The following GPD1L variants were observed in gnomAD, a reference collection of about 807,000 sequenced individuals.
GPD1L encodes the protein glycerol-3-phosphate dehydrogenase 1 like.
In GPD1L, 17 loss-of-function variants were observed where a neutral mutation model predicts 32.9. The ratio of observed to expected loss-of-function variants is 0.52; its 90% CI spans 0.35 to 0.78. The LOEUF (loss-of-function observed/expected upper bound fraction) is 0.78, where lower values mean the gene tolerates loss of function less well. GPD1L is among the 30% of genes least tolerant of loss of function. The probability of loss-of-function intolerance (pLI) is 0.01; values close to 1 mark genes in which losing one functional copy is unlikely to be tolerated. For synonymous variants in GPD1L, 187 were observed against 165.9 expected (o/e 1.13, Z -0.98); for missense variants, 361 against 447.8 (o/e 0.81, Z 1.75).
chr3:32,138,905 G>A (rs901549626), intron 3 of GPD1L, among the ~76,000 whole-genome samples, 178 bp downstream of exon 3: 1 of 152,098 alleles, frequency 6.6e-6, no homozygotes, highest in African/African-American at 2.4e-5. Flanking sequence ...CTCAGATTGA[G>A]AGTGGGCTGC....
chr3:32,137,694 G>T (rs1199994493), intron 2 of GPD1L, among the ~76,000 whole-genome samples: 1 of 152,204 alleles, frequency 6.6e-6, no homozygotes, highest in African/African-American at 2.4e-5. Context: ...GAGACCATGT[G>T]CCCTGGAGTC....
intron 7 of GPD1L, among the ~76,000 whole-genome samples, chr3:32,161,016 G>C (rs1407796465): frequency 1.3e-5 from 2 of 152,314 alleles, no homozygotes; most frequent in East Asian, 3.9e-4. Context: ...TGCTGATTGT[G>C]GCTAATTTAG....
At chr3:32,155,869 C>G (rs1390683777) in intron 5 of GPD1L, among the ~76,000 whole-genome samples, 2 of 152,178 alleles carry the variant, frequency 1.3e-5, no homozygotes, top group African/African-American at 4.8e-5. Context: ...CTAGGTCACA[C>G]TGTGACAATG....
intron 1 of GPD1L, among the ~76,000 whole-genome samples, chr3:32,112,219 T>TATA (rs1294852324): frequency 6.6e-6 from 1 of 151,488 alleles, no homozygotes; most frequent in Non-Finnish European, 1.5e-5. Flanking sequence ...GGCTCATGCC[T>TATA]ATAACCTCAA....
At chr3:32,158,064 G>A (rs1701019484) in intron 5 of GPD1L, among the ~76,000 whole-genome samples, 1 of 152,200 alleles carries the variant, frequency 6.6e-6, no homozygotes, top group Non-Finnish European at 1.5e-5. Context: ...GTAGTCACCG[G>A]AGGGCATGTG....
rs869025436 is a variant in GPD1L at position 32,158,949 on chromosome 3, G to A, written c.692G>A (p.Arg231His). ...CGDNTKAAVI[R>H]LGLMEMIAFA... ...GACAACACCAAAGCGGCCGTCATCC[G>A]CCTGGGACTCATGGAAATGATTGCT... Residue 231 changes from arginine (R) to histidine (H), a missense_variant, in exon 6 of 8, where the codon CGC becomes CAC. Transcript: ENST00000282541. 9.9e-6 allele frequency: 16 copies of A among 1,613,998 alleles called. No individual in the cohort carries two copies. Among genetic ancestry groups the A allele is most frequent in the Admixed American group, 1.7e-5 (1 of 60,006 alleles).
chr3:32,164,904 GTGT>G (rs1701124244), intron 7 of GPD1L, among the ~76,000 whole-genome samples: 1 of 152,130 alleles, frequency 6.6e-6, no homozygotes, highest in Non-Finnish European at 1.5e-5. Context: ...AGCTATGTGT[GTGT>G]GTGTATTTAA....
At chr3:32,146,897 G>A (rs1457834460) in intron 5 of GPD1L, among the ~76,000 whole-genome samples, 163 bp downstream of exon 5, 2 of 152,182 alleles carry the variant, frequency 1.3e-5, no homozygotes, top group Admixed American at 1.3e-4. Context: ...AGCCTTTCCC[G>A]GGTGGTTCAG....
At position 32,106,782 on chromosome 3, in the gene GPD1L, C is replaced by T; in HGVS notation, c.47+24C>T. Reference sequence around the variant, plus strand: ...TGGTGAGCGGCGGCGGGCTGGAGGCCGGGGCTCCGCTTCCAGGAAGCGCCT... The same window carrying T: ...TGGTGAGCGGCGGCGGGCTGGAGGCTGGGGCTCCGCTTCCAGGAAGCGCCT... On this transcript the variant is annotated intron_variant, in intron 1 of 7. Coordinates refer to ENST00000282541, the MANE Select transcript of GPD1L (RefSeq NM_015141.4). The surrounding 1 kb of genome is among the most constrained non-coding windows in gnomAD (Gnocchi z 4.0). The T allele has an allele frequency of 1.3e-6, 2 of 1,550,852 alleles. No individual in the cohort carries two copies. Among genetic ancestry groups the T allele is most frequent in the Admixed American group, 1.9e-5 (1 of 53,392 alleles).
chr3:32,107,106 C>T (rs1700175582), intron 1 of GPD1L, among the ~76,000 whole-genome samples: 1 of 152,204 alleles, frequency 6.6e-6, no homozygotes, highest in Non-Finnish European at 1.5e-5. Context: ...CCGTTCTCCA[C>T]GGCGGATCTC....
At chr3:32,161,177 T>A (rs1342947840) in intron 7 of GPD1L, among the ~76,000 whole-genome samples, 1 of 152,122 alleles carries the variant, frequency 6.6e-6, no homozygotes, top group Admixed American at 6.5e-5. Flanking sequence ...GCACCCCTCC[T>A]CCTTTTACCC....
intron 2 of GPD1L, among the ~76,000 whole-genome samples, chr3:32,134,793 T>C (rs576969922): frequency 6.6e-6 from 1 of 152,312 alleles, no homozygotes; most frequent in South Asian, 2.1e-4. Context: ...TGGCTGGGGA[T>C]GTATTTTAGC....
intron 1 of GPD1L, among the ~76,000 whole-genome samples, chr3:32,117,946 T>C (rs1700355700): frequency 6.6e-6 from 1 of 152,226 alleles, no homozygotes; most frequent in East Asian, 1.9e-4. Context: ...GTTGATAGCA[T>C]GGCTGACCAG....
At position 32,140,261 on chromosome 3, in the gene GPD1L, A is replaced by T. The variant is rs747897359; in HGVS notation, c.400A>T (p.Ile134Phe). ...IDEGPEGLKL[I>F]SDIIREKMGI... is the part of the protein sequence containing the mutation. ...CGAGGGCCCCGAGGGGCTGAAGCTC[A>T]TTTCTGACATCATCCGTGAGAAGAT... The change falls in exon 4 of 8, where the codon ATT becomes TTT. Residue 134 changes from isoleucine to phenylalanine, a missense_variant. Physicochemically the swap from Ile to Phe is conservative, Grantham distance 21. Coordinates refer to ENST00000282541, the MANE Select transcript of GPD1L (RefSeq NM_015141.4). 49 of 1,613,966 alleles carry T rather than the reference A, an allele frequency of 3.0e-5. No homozygotes were observed. Among genetic ancestry groups the T allele is most frequent in the Non-Finnish European group, 3.3e-5 (39 of 1,180,006 alleles).
At position 32,166,484 on chromosome 3, in the gene GPD1L, CCT is replaced by C; in HGVS notation, c.*576_*577del. On this transcript the variant is annotated 3_prime_UTR_variant, in exon 8 of 8. Coordinates refer to ENST00000282541, the MANE Select transcript of GPD1L (RefSeq NM_015141.4). ...TAGATAATCCACTCATGTATTTCCC[CCT>C]CACTGCAGTTGTCTGCATTTTTAGC... 1 of 158,018 alleles carries C rather than the reference CCT, an allele frequency of 6.3e-6. No homozygotes were observed. The highest frequency in any genetic ancestry group is 1.9e-4 in the South Asian group (1 of 5,312). 9.8% of individuals were successfully genotyped at this position (158,018 alleles called of 1,614,324 possible).
At chr3:32,109,570 G>A (rs1700217934) in intron 1 of GPD1L, among the ~76,000 whole-genome samples, 1 of 152,192 alleles carries the variant, frequency 6.6e-6, no homozygotes, top group South Asian at 2.1e-4. Context: ...GATTAGACGG[G>A]AACAATTCTT....
intron 1 of GPD1L, among the ~76,000 whole-genome samples, chr3:32,117,732 G>T (rs1700353423): frequency 6.6e-6 from 1 of 152,180 alleles, no homozygotes; most frequent in Admixed American, 6.5e-5. Context: ...TGGACAGTTT[G>T]GTTCTCTGCC....
rs1301389717 is a variant in GPD1L, at chr3:32,121,531, T to TTCTC, written c.48-6542_48-6541insCTCT. Reference sequence around the variant, plus strand: ...TATATATATTTCTCTCTATATATATTTCTATGTATATATTTCTATATATAT... The same window carrying TTCTC: ...TATATATATTTCTCTCTATATATATTTCTCTCTATGTATATATTTCTATATATAT... On this transcript the variant is annotated intron_variant, in intron 1 of 7. Coordinates refer to ENST00000282541, the MANE Select transcript of GPD1L (RefSeq NM_015141.4). Among the ~76,000 whole-genome samples, 26 of 114,010 alleles carry TTCTC rather than the reference T, an allele frequency of 2.3e-4. 3 individuals are homozygous for TTCTC. The highest frequency in any genetic ancestry group is 9.8e-4 in the African/African-American group (25 of 25,494). 74.8% of individuals were successfully genotyped at this position (114,010 alleles called of 152,430 possible). A position where few individuals can be genotyped will look rare whatever the true frequency, so the allele number is the denominator to read the frequency against.
At chr3:32,147,776 G>A (rs905053807) in intron 5 of GPD1L, among the ~76,000 whole-genome samples, 1 of 152,208 alleles carries the variant, frequency 6.6e-6, no homozygotes, top group Non-Finnish European at 1.5e-5. Context: ...TTGGATGGGA[G>A]TTGCAAAGGT....
Sources: gnomAD v4.1 joint callset for allele counts (sites outside exome capture counted in the v4.1 genomes callset) on GRCh38, gnomAD v4.1.1 for gene constraint, Gnocchi (gnomAD v3.1) non-coding constraint, MANE v1.5 for transcripts, NCBI Gene and HGNC (gene_info 2026-07-23, HGNC 2026-07-21) for gene names.